Variants in DENND4A observed in about 807,000 individuals in gnomAD.
DENND4A encodes C-myc promoter-binding protein.
A neutral mutation model predicts 199.3 loss-of-function variants in DENND4A; 70 were observed. The ratio of observed to expected loss-of-function variants is 0.35; its 90% confidence interval spans 0.29 to 0.43. The LOEUF is 0.43. Among genes scored for constraint, DENND4A ranks in the 20% least tolerant of loss-of-function variants. DENND4A has a pLI of 1.00. For missense variants in DENND4A, 1,723 were observed against 2,255.8 expected (o/e 0.76, Z 4.78); for synonymous variants, 686 against 766.9 (o/e 0.89, Z 1.74).
At chr15:65,762,593 T>C (rs560500712) in intron 1 of DENND4A, among the ~76,000 whole-genome samples, 1 of 152,260 alleles carries the variant, frequency 6.6e-6, no homozygotes, top group South Asian at 2.1e-4. Flanking sequence ...CACACCACTG[T>C]GCTCCAGCCT....
chr15:65,763,542 G>T (rs1427980060), intron 1 of DENND4A, among the ~76,000 whole-genome samples: 1 of 151,888 alleles, frequency 6.6e-6, no homozygotes, highest in East Asian at 1.9e-4. Flanking sequence ...GGTGTTGGTG[G>T]TGCAGTCCTG....
At chr15:65,735,368 ACT>A (rs987074203) in intron 7 of DENND4A, among the ~76,000 whole-genome samples, 1 of 152,032 alleles carries the variant, frequency 6.6e-6, no homozygotes, top group Admixed American at 6.6e-5. Flanking sequence ...ACAGAACCAG[ACT>A]CTGTGTCAAA....
intron 21 of DENND4A, chr15:65,696,945 T>A: frequency 3.2e-6 from 1 of 310,280 alleles, no homozygotes; most frequent in African/African-American, 2.2e-5. Context: ...ATCACAAGCT[T>A]TAAAATATTG....
In DENND4A at chr15:65,732,798, T is replaced by C; in HGVS notation, c.1061A>G (p.His354Arg). 1.2e-6 allele frequency: 2 copies of C among 1,601,582 alleles called. No homozygotes were observed. The highest frequency in any genetic ancestry group is 2.2e-5 in the East Asian group (1 of 44,742). Residue 354 changes from histidine to arginine, a missense_variant, in exon 8 of 33, where the codon CAT (histidine) becomes CGT (arginine). Coordinates refer to ENST00000443035, the MANE Select transcript of DENND4A (RefSeq NM_001320835.1). ...PIEKHISHFMHKVPFPSPQRP... is the reference protein window; with the variant it reads ...PIEKHISHFMRKVPFPSPQRP... ...CTGAGGAGATGGAAAAGGAACTTTA[T>C]GCATAAAATGAGAAATATGCCTTGA...
chr15:65,782,623 CACACATACACACAT>C (rs1055157689), intron 1 of DENND4A, among the ~76,000 whole-genome samples: 1 of 151,990 alleles, frequency 6.6e-6, no homozygotes, highest in African/African-American at 2.4e-5. Context: ...AAATAACACA[CACACATACACACAT>C]ACACATACCC....
intron 23 of DENND4A, among the ~76,000 whole-genome samples, chr15:65,688,459 T>TA: frequency 6.6e-6 from 1 of 152,354 alleles, no homozygotes; most frequent in East Asian, 1.9e-4. Flanking sequence ...TGGGTACTGT[T>TA]ATAATACTTC....
intron 1 of DENND4A, among the ~76,000 whole-genome samples, chr15:65,790,751 TGTATACTTAA>T (rs1178993022): frequency 6.6e-6 from 1 of 152,220 alleles, no homozygotes; most frequent in East Asian, 1.9e-4. Context: ...TCAGAAATTT[TGTATACTTAA>T]GTTTTCAGAA....
intron 23 of DENND4A, chr15:65,680,876 T>C (rs1024233071): frequency 6.6e-6 from 1 of 152,338 alleles, no homozygotes; most frequent in African/African-American, 2.4e-5. Flanking sequence ...TTACTAAAAA[T>C]TGCTAACAAT....
In DENND4A at chr15:65,667,617, A is replaced by T; in HGVS notation, c.5073T>A (p.Leu1691=). 6.2e-7 allele frequency: 1 copy of T among 1,613,958 alleles called. No homozygotes were observed. The highest frequency in any genetic ancestry group is 1.1e-5 in the South Asian group (1 of 91,076). The change falls in exon 29 of 33, where the codon CTT becomes CTA. Residue 1691 remains leucine (L), a synonymous_variant. Coordinates refer to ENST00000443035, the MANE Select transcript of DENND4A (RefSeq NM_001320835.1). ...CACCTTCATTTTCCAATAAGCTTTC[A>T]AGTTCTTTCCATACCACTAAAGGAC... is the stretch of plus-strand genomic sequence containing the variant. ...YLSPLVVWKE[L]ESLLENEGDH... is the part of the protein sequence containing the mutation.
intron 1 of DENND4A, 54 bp downstream of exon 1, chr15:65,791,956 G>A (rs1323753932): frequency 2.6e-5 from 4 of 151,830 alleles, no homozygotes; most frequent in Non-Finnish European, 5.9e-5. Flanking sequence ...CACCTCTCCG[G>A]GCCGTGACAG....
chr15:65,666,241 CTA>C (rs1427833374), intron 29 of DENND4A, among the ~76,000 whole-genome samples: 2 of 152,110 alleles, frequency 1.3e-5, no homozygotes, highest in African/African-American at 4.8e-5. Flanking sequence ...TTAACAATAA[CTA>C]ATAATAAAAT....
chr15:65,689,408 T>C (rs2142057777), intron 23 of DENND4A, among the ~76,000 whole-genome samples: 1 of 152,310 alleles, frequency 6.6e-6, no homozygotes, highest in East Asian at 1.9e-4. Flanking sequence ...TATTAAAAAC[T>C]GTAAGGATTC....
At chr15:65,703,494 G>C (rs774549056) in intron 15 of DENND4A, among the ~76,000 whole-genome samples, 1 of 152,208 alleles carries the variant, frequency 6.6e-6, no homozygotes, top group Non-Finnish European at 1.5e-5. Flanking sequence ...TAGCACACCA[G>C]GCCTTGCTCT....
intron 27 of DENND4A, among the ~76,000 whole-genome samples, chr15:65,668,325 C>T (rs2076110716): frequency 1.3e-5 from 2 of 151,928 alleles, no homozygotes. Context: ...CCTCCCACCT[C>T]AGCCTCCCGA....
intron 1 of DENND4A, chr15:65,771,705 T>A: frequency 1.2e-6 from 2 of 1,609,972 alleles, no homozygotes; most frequent in Admixed American, 3.3e-5. Context: ...AAAAATATAT[T>A]AAACAAGTCT....
intron 11 of DENND4A, among the ~76,000 whole-genome samples, chr15:65,725,689 T>A (rs28432221): frequency 1.9e-4 from 23 of 121,644 alleles, no homozygotes; most frequent in East Asian, 8.4e-4. Flanking sequence ...AAAATAAAAA[T>A]AAAAAAAATA....
intron 14 of DENND4A, among the ~76,000 whole-genome samples, chr15:65,709,719 A>AAAAAAAAAAAAAATAT: frequency 1.9e-5 from 1 of 51,474 alleles, no homozygotes; most frequent in East Asian, 1.9e-3. Context: ...AAAAAAAAAA[A>AAAAAAAAAAAAAATAT]ATATATATAT....
intron 9 of DENND4A, chr15:65,731,376 T>C (rs1463270985): frequency 2.0e-6 from 1 of 498,224 alleles, no homozygotes; most frequent in South Asian, 1.6e-5. Flanking sequence ...TCTCATCATC[T>C]ACATACATAA....
chr15:65,686,320 T>C (rs2076778800), intron 23 of DENND4A, among the ~76,000 whole-genome samples: 1 of 152,178 alleles, frequency 6.6e-6, no homozygotes, highest in Admixed American at 6.5e-5. Context: ...CACTTGAAAA[T>C]AGTGTATTCT....
Sources: gnomAD v4.1 joint callset for allele counts (sites outside exome capture counted in the v4.1 genomes callset) on GRCh38, gnomAD v4.1.1 for gene constraint, MANE v1.5 for transcripts, NCBI Gene and HGNC (gene_info 2026-07-23, HGNC 2026-07-21) for gene names.